PRKG1: variants seen among roughly 807,000 people sequenced by gnomAD.
The protein encoded by PRKG1 is protein kinase cGMP-dependent 1, also known as cGMP-dependent protein kinase 1.
A neutral mutation model predicts 88.1 loss-of-function variants in PRKG1; 35 were observed. The observed-to-expected ratio is 0.40, with a 90% confidence interval of 0.30 to 0.53. The LOEUF is 0.53. Ranked by LOEUF, PRKG1 falls within the 20% of genes least tolerant of loss-of-function variation. The probability of loss-of-function intolerance (pLI) is 0.59; values close to 1 mark genes in which losing one functional copy is unlikely to be tolerated. For missense variants in PRKG1, 540 were observed against 839.8 expected (o/e 0.64, Z 4.41); for synonymous variants, 303 against 292.5 (o/e 1.04, Z -0.37).
At chr10:51,497,586 G>A (rs1840895759) in intron 3 of PRKG1, among the ~76,000 whole-genome samples, 2 of 152,230 alleles carry the variant, frequency 1.3e-5, no homozygotes, top group Admixed American at 6.5e-5. Context: ...GCTAAGGCAA[G>A]TGTTAACCAG....
chr10:51,961,207 G>C (rs922735703), intron 5 of PRKG1, among the ~76,000 whole-genome samples: 1 of 152,000 alleles, frequency 6.6e-6, no homozygotes, highest in African/African-American at 2.4e-5. Flanking sequence ...TTGGTTTCAG[G>C]ATCCCCTTAA....
intron 3 of PRKG1, among the ~76,000 whole-genome samples, chr10:51,650,881 G>A (rs1840022236): frequency 6.6e-6 from 1 of 152,096 alleles, no homozygotes; most frequent in South Asian, 2.1e-4. Context: ...TGCCTACTGT[G>A]TAATCACTGG....
intron 3 of PRKG1, among the ~76,000 whole-genome samples, chr10:51,803,096 C>T (rs1271383957): frequency 6.6e-6 from 1 of 152,036 alleles, no homozygotes; most frequent in Non-Finnish European, 1.5e-5. Flanking sequence ...TCCTGATTTC[C>T]CAAGTTCTTT....
chr10:51,496,625 T>C (rs1005384073), intron 3 of PRKG1, among the ~76,000 whole-genome samples: 2 of 152,158 alleles, frequency 1.3e-5, no homozygotes, highest in African/African-American at 4.8e-5. Flanking sequence ...CACTGAGTCA[T>C]TGTTGATCAG....
intron 4 of PRKG1, among the ~76,000 whole-genome samples, chr10:51,805,411 T>A (rs542859461): frequency 2.8e-4 from 42 of 152,018 alleles, no homozygotes; most frequent in Non-Finnish European, 5.6e-4. Flanking sequence ...AAATATATTA[T>A]CTTATAACTG....
intron 3 of PRKG1, among the ~76,000 whole-genome samples, chr10:51,588,487 T>C (rs1402371883): frequency 6.6e-6 from 1 of 152,198 alleles, no homozygotes; most frequent in Non-Finnish European, 1.5e-5. Context: ...AACTAGTTAG[T>C]CTACAGCTGT....
In PRKG1 at chr10:51,893,706, TG is replaced by T. The variant is rs1841776347; in HGVS notation, c.699-13799del. 2.0e-5 allele frequency among the ~76,000 whole-genome samples: 3 copies of T among 152,294 alleles called. No homozygotes were observed. The South Asian group carries it at 6.2e-4, about 32-fold the overall frequency. ...GAGTGCTTACCCTACAGCAGCCCCT[TG>T]GCCAAATATTTCATATTTATTAATA... On this transcript the variant is annotated intron_variant, in intron 4 of 17. Transcript: ENST00000373980.
At chr10:51,377,305 T>A (rs1009270131) in intron 2 of PRKG1, among the ~76,000 whole-genome samples, 1 of 152,206 alleles carries the variant, frequency 6.6e-6, no homozygotes, top group African/African-American at 2.4e-5. Flanking sequence ...AGCTTTGTTA[T>A]CTGTAAAATA....
At chr10:51,540,574 AC>A (rs534171082) in intron 3 of PRKG1, among the ~76,000 whole-genome samples, 181 of 152,324 alleles carry the variant, frequency 1.2e-3, no homozygotes, top group Non-Finnish European at 2.1e-3. Context: ...TCATATACAT[AC>A]ACATTCAATG....
intron 2 of PRKG1, among the ~76,000 whole-genome samples, chr10:51,234,523 C>T (rs1007359415): frequency 6.6e-6 from 1 of 152,032 alleles, no homozygotes; most frequent in Admixed American, 6.6e-5. Flanking sequence ...TGGAATTGAA[C>T]CTTTAGGTTT....
rs573379697 is a variant in PRKG1, at chr10:51,770,268, C to T, written c.593-34317C>T. Among the ~76,000 whole-genome samples, 43 of 152,250 alleles carry T rather than the reference C, an allele frequency of 2.8e-4. 1 individual carries two copies. Among genetic ancestry groups the T allele is most frequent in the African/African-American group, 9.6e-4 (40 of 41,568 alleles). ...TTTCCCCAATAAACCACTATCTGAACAGTAAAAGAGTTATGCAGCATAGAG... is the reference window on the plus strand; with the variant it reads ...TTTCCCCAATAAACCACTATCTGAATAGTAAAAGAGTTATGCAGCATAGAG... On this transcript the variant is annotated intron_variant, in intron 3 of 17. Coordinates refer to ENST00000373980, the MANE Select transcript of PRKG1 (RefSeq NM_006258.4).
chr10:52,000,496 G>T (rs779672482), intron 5 of PRKG1, among the ~76,000 whole-genome samples: 2 of 152,006 alleles, frequency 1.3e-5, no homozygotes, highest in Non-Finnish European at 2.9e-5. Context: ...ATCAAGATTG[G>T]CATTTACACG....
chr10:51,906,632 G>C (rs1163028760), intron 4 of PRKG1, among the ~76,000 whole-genome samples: 1 of 152,112 alleles, frequency 6.6e-6, no homozygotes, highest in Non-Finnish European at 1.5e-5. Context: ...AGGGGTTGTG[G>C]AGACCAAGGT....
At chr10:51,780,321 G>A (rs759049061) in intron 3 of PRKG1, among the ~76,000 whole-genome samples, 5 of 151,910 alleles carry the variant, frequency 3.3e-5, no homozygotes, top group Non-Finnish European at 7.4e-5. Context: ...TTTTTACTGG[G>A]TTTTATACTA....
intron 2 of PRKG1, among the ~76,000 whole-genome samples, chr10:51,273,559 T>G (rs1371940565): frequency 6.6e-6 from 1 of 152,110 alleles, no homozygotes; most frequent in Non-Finnish European, 1.5e-5. Flanking sequence ...TCAGAAGCAG[T>G]AATCTGGCAG....
intron 3 of PRKG1, among the ~76,000 whole-genome samples, chr10:51,637,688 T>G (rs574631574): frequency 1.1e-4 from 16 of 152,300 alleles, no homozygotes; most frequent in African/African-American, 3.1e-4. Flanking sequence ...AAATACTGCA[T>G]GTTCTCACTT....
intron 4 of PRKG1, among the ~76,000 whole-genome samples, chr10:51,881,324 T>G (rs1841432937): frequency 6.6e-6 from 1 of 152,222 alleles, no homozygotes; most frequent in Non-Finnish European, 1.5e-5. Context: ...GATTATATAT[T>G]AAATAATTGT....
intron 4 of PRKG1, among the ~76,000 whole-genome samples, chr10:51,806,981 C>T (rs969012089): frequency 2.0e-5 from 3 of 152,154 alleles, no homozygotes; most frequent in Admixed American, 6.5e-5. Context: ...TACCTCATTA[C>T]ACTGAGAAGT....
chr10:51,610,344 G>C (rs959091684), intron 3 of PRKG1, among the ~76,000 whole-genome samples: 2 of 152,016 alleles, frequency 1.3e-5, no homozygotes, highest in Admixed American at 6.6e-5. Context: ...ACCTCCATGT[G>C]AGCAATGTTT....
Sources: allele counts gnomAD v4.1 joint callset (sites outside exome capture counted in the v4.1 genomes callset), GRCh38; gene constraint gnomAD v4.1.1; transcripts MANE v1.5; gene names NCBI Gene and HGNC (gene_info 2026-07-23, HGNC 2026-07-21).